The following API5 variants were observed in gnomAD, a reference collection of about 807,000 sequenced individuals.
API5 encodes the protein apoptosis inhibitor 5.
Under a neutral mutation model 71.9 loss-of-function variants are expected in API5, and 6 were observed. That is an observed-to-expected ratio of 0.08 (90% CI 0.05 to 0.16). The LOEUF (loss-of-function observed/expected upper bound fraction) is 0.16, where lower values mean the gene tolerates loss of function less well. Ranked by LOEUF, API5 falls within the 10% of genes least tolerant of loss-of-function variation. API5 has a pLI of 1.00. For synonymous variants in API5, 189 were observed against 221.3 expected, an observed-to-expected ratio of 0.85 and a Z score of 1.30; for missense variants, 332 against 612.8, an observed-to-expected ratio of 0.54 and a Z score of 4.84.
chr11:43,316,883 T>G (rs769801057), intron 1 of API5, among the ~76,000 whole-genome samples: 1 of 152,220 alleles, frequency 6.6e-6, no homozygotes, highest in Non-Finnish European at 1.5e-5. Flanking sequence ...CAGTGATGAC[T>G]CCTGAAGACT....
chr11:43,314,318 A>C (rs561978734), intron 1 of API5, among the ~76,000 whole-genome samples: 1 of 152,280 alleles, frequency 6.6e-6, no homozygotes, highest in African/African-American at 2.4e-5. Flanking sequence ...AATCCTTCTA[A>C]GAAACCTTTG....
rs73547380 is a variant in API5, at chr11:43,313,290, A to G, written c.69+1094A>G. Among the ~76,000 whole-genome samples the G allele has an allele frequency of 1.9e-3, 294 of 152,288 alleles. 2 individuals are homozygous for G. The highest frequency in any genetic ancestry group is 6.8e-3 in the African/African-American group (283 of 41,558). ...GTTTCTCAGCAGTGTTGAATTATCCATACAAGTCATTTGTTCCCTGTATGA... is the reference window on the plus strand; with the variant it reads ...GTTTCTCAGCAGTGTTGAATTATCCGTACAAGTCATTTGTTCCCTGTATGA... On this transcript the variant is annotated intron_variant, in intron 1 of 13. Coordinates refer to ENST00000531273, the MANE Select transcript of API5 (RefSeq NM_001142930.2).
chr11:43,324,052 C>T (rs1201106019), intron 6 of API5, among the ~76,000 whole-genome samples: 1 of 152,106 alleles, frequency 6.6e-6, no homozygotes, highest in Non-Finnish European at 1.5e-5. Context: ...GAGTCTTGCC[C>T]TGTCACTCAT....
intron 1 of API5, among the ~76,000 whole-genome samples, chr11:43,316,244 A>ATAG (rs1483602172): frequency 6.6e-6 from 1 of 152,232 alleles, no homozygotes; most frequent in Non-Finnish European, 1.5e-5. Flanking sequence ...AAAGATAAGA[A>ATAG]TAGTAGTAAC....
chr11:43,315,677 T>C (rs544146693), intron 1 of API5, among the ~76,000 whole-genome samples: 2 of 152,144 alleles, frequency 1.3e-5, no homozygotes, highest in Non-Finnish European at 2.9e-5. Context: ...AGTCCTATCA[T>C]CTTCTCATGT....
At chr11:43,323,355 GCTATT>G in intron 5 of API5, 70 bp from the exon 6 acceptor site, 1 of 1,294,096 alleles carries the variant, frequency 7.7e-7, no homozygotes. Flanking sequence ...AAATAAATTA[GCTATT>G]CTCTTTCAGT....
chr11:43,323,557 A>G lies in API5; in HGVS notation c.671A>G (p.Glu224Gly). The G allele has an allele frequency of 6.2e-7, 1 of 1,614,168 alleles. No individual in the cohort carries two copies. Among genetic ancestry groups the G allele is most frequent in the Non-Finnish European group, 8.5e-7 (1 of 1,180,000 alleles). ...VELVAEQADL[E>G]QTFNPSDPDC... ...TTGGTGGCTGAACAGGCCGACCTAG[A>G]ACAGACCTTCAATCCCTCGGATCCT... is the stretch of plus-strand genomic sequence containing the variant. The change falls in exon 6 of 14, where the codon GAA becomes GGA. Residue 224 changes from glutamate (E) to glycine (G), a missense_variant. Coordinates refer to ENST00000531273, the MANE Select transcript of API5 (RefSeq NM_001142930.2).
At chr11:43,337,763 A>G (rs1176353957) in intron 13 of API5, among the ~76,000 whole-genome samples, 1 of 152,230 alleles carries the variant, frequency 6.6e-6, no homozygotes, top group African/African-American at 2.4e-5. Context: ...AGATACTGGG[A>G]GAATGGCTTT....
chr11:43,321,961 A>G (rs1156403719), intron 4 of API5, 24 bp from the exon 5 acceptor site: 11 of 1,595,798 alleles, frequency 6.9e-6, no homozygotes, highest in Non-Finnish European at 9.4e-6. Context: ...TTGACTTGCT[A>G]CAGGCAACTA....
intron 13 of API5, among the ~76,000 whole-genome samples, chr11:43,337,355 C>T (rs1855471033): frequency 6.6e-6 from 1 of 152,052 alleles, no homozygotes; most frequent in South Asian, 2.1e-4. Flanking sequence ...GATTCTGAAC[C>T]ATATAATATC....
chr11:43,335,887 C>T lies in API5; in HGVS notation c.1385C>T (p.Ser462Leu). Reference protein sequence around the residue: ...GQKRASEDTTSGSPPKKSSAG... With the variant: ...GQKRASEDTTLGSPPKKSSAG... ...AAGAGAGCCAGTGAAGATACAACTT[C>T]AGGTTCACCACCCAAGAAATCTTCA... The change falls in exon 13 of 14, where the codon TCA becomes TTA. Residue 462 changes from serine to leucine, a missense_variant. Physicochemically the swap from Ser to Leu is moderately radical, Grantham distance 145. Transcript: ENST00000531273. 1.2e-6 allele frequency: 2 copies of T among 1,612,536 alleles called. No individual in the cohort carries two copies. The highest frequency in any genetic ancestry group is 4.5e-5 in the East Asian group (2 of 44,858).
At chr11:43,337,200 C>T (rs574173484) in intron 13 of API5, among the ~76,000 whole-genome samples, 198 of 151,982 alleles carry the variant, frequency 1.3e-3, no homozygotes, top group Admixed American at 2.1e-3. Flanking sequence ...GTGGCACGCA[C>T]TTATAGTCCC....
chr11:43,343,228 A>G lies in API5; in HGVS notation c.*718A>G, dbSNP rs1023322332. 6.6e-6 allele frequency: 1 copy of G among 152,506 alleles called. No homozygotes were observed. The highest frequency in any genetic ancestry group is 2.4e-5 in the African/African-American group (1 of 41,422). 9.4% of individuals were successfully genotyped at this position (152,506 alleles called of 1,614,324 possible). A position where few individuals can be genotyped will look rare whatever the true frequency, so the allele number is the denominator to read the frequency against. On this transcript the variant is annotated 3_prime_UTR_variant, in exon 14 of 14. Coordinates refer to ENST00000531273, the MANE Select transcript of API5 (RefSeq NM_001142930.2). The stretch of plus-strand genomic sequence containing the variant: ...TGTGTGTGTATATATATATATATGC[A>G]TGCTGTGAAACTTGACTACACAACA...
At chr11:43,336,510 C>A (rs73547391) in intron 13 of API5, among the ~76,000 whole-genome samples, 1 of 152,080 alleles carries the variant, frequency 6.6e-6, no homozygotes, top group Non-Finnish European at 1.5e-5. Context: ...GCAGTCTCTC[C>A]CTCTGCCCAG....
At chr11:43,334,747 A>G (rs1207376109) in intron 11 of API5, among the ~76,000 whole-genome samples, 4 of 151,988 alleles carry the variant, frequency 2.6e-5, no homozygotes, top group Non-Finnish European at 5.9e-5. Context: ...TTTTTGCCTT[A>G]TTAATAATTT....
At chr11:43,336,548 A>G (rs1855439709) in intron 13 of API5, among the ~76,000 whole-genome samples, 1 of 152,132 alleles carries the variant, frequency 6.6e-6, no homozygotes, top group Non-Finnish European at 1.5e-5. Flanking sequence ...AGTGCTTCCT[A>G]TTCCCCTTTA....
rs543421437 is a variant in API5, at chr11:43,321,646, G to A, written c.391+170G>A. On this transcript the variant is annotated intron_variant, in intron 4 of 13. Coordinates refer to ENST00000531273, the MANE Select transcript of API5 (RefSeq NM_001142930.2). Reference sequence around the variant, plus strand: ...TCAAGATGTTTATGACTAGAAAAACGAGCAGAAATAACTGCAAAAACAGAT... The same window carrying A: ...TCAAGATGTTTATGACTAGAAAAACAAGCAGAAATAACTGCAAAAACAGAT... Among the ~76,000 whole-genome samples, 25 of 152,246 alleles carry A rather than the reference G, an allele frequency of 1.6e-4. 1 individual carries two copies. The South Asian group carries it at 3.9e-3, about 24-fold the overall frequency.
In API5 at chr11:43,343,908, A is replaced by G. The variant is rs948483043; in HGVS notation, c.*1398A>G. On this transcript the variant is annotated 3_prime_UTR_variant, in exon 14 of 14. Transcript: ENST00000531273. ...TTGTGATTCCAATGCAGGTGTCTTC[A>G]TTACCATTACCTCTACACTGCAGAA... The G allele has an allele frequency of 2.0e-5, 3 of 152,632 alleles. No individual in the cohort carries two copies. The highest frequency in any genetic ancestry group is 7.2e-5 in the African/African-American group (3 of 41,466). 9.5% of individuals were successfully genotyped at this position (152,632 alleles called of 1,614,324 possible).
At chr11:43,316,426 G>C (rs1854673080) in intron 1 of API5, among the ~76,000 whole-genome samples, 1 of 151,014 alleles carries the variant, frequency 6.6e-6, no homozygotes, top group South Asian at 2.1e-4. Context: ...AGTGTAAGGA[G>C]TTTCTTCAAA....
Sources: allele counts gnomAD v4.1 joint callset (sites outside exome capture counted in the v4.1 genomes callset), GRCh38; gene constraint gnomAD v4.1.1; transcripts MANE v1.5; gene names NCBI Gene and HGNC (gene_info 2026-07-23, HGNC 2026-07-21).